Variants in SH2D4B observed in about 807,000 individuals in gnomAD.
SH2D4B encodes the protein SH2 domain containing 4B, also known as SH2 domain-containing protein 4B.
In SH2D4B, 45 loss-of-function variants were observed where a neutral mutation model predicts 61.5. That is an observed-to-expected ratio of 0.73 (90% CI 0.58 to 0.94). SH2D4B has a LOEUF of 0.94. Among genes scored for constraint, SH2D4B ranks in the 40% least tolerant of loss-of-function variants. SH2D4B has a pLI of 0.00. For synonymous variants in SH2D4B, 224 were observed against 220.4 expected (o/e 1.02, Z -0.14); for missense variants, 572 against 574.2 (o/e 1.00, Z 0.04).
At chr10:80,604,941 C>G (rs1374533994) in intron 5 of SH2D4B, among the ~76,000 whole-genome samples, 2 of 152,020 alleles carry the variant, frequency 1.3e-5, no homozygotes, top group East Asian at 1.9e-4. Flanking sequence ...CTATAGGTGC[C>G]CGCCACCACA....
chr10:80,606,546 C>A (rs986990426), intron 5 of SH2D4B, among the ~76,000 whole-genome samples: 4 of 152,112 alleles, frequency 2.6e-5, no homozygotes, highest in Non-Finnish European at 5.9e-5. Flanking sequence ...TAGGTTTTCA[C>A]CATGTTGGCC....
chr10:80,599,931 T>C (rs1842431949), intron 4 of SH2D4B, among the ~76,000 whole-genome samples: 1 of 152,106 alleles, frequency 6.6e-6, no homozygotes, highest in Admixed American at 6.5e-5. Flanking sequence ...ACACATCTCC[T>C]CTGCTCCCAC....
At chr10:80,543,192 C>G (rs1472182918) in intron 1 of SH2D4B, among the ~76,000 whole-genome samples, 1 of 152,196 alleles carries the variant, frequency 6.6e-6, no homozygotes, top group Non-Finnish European at 1.5e-5. Context: ...TTCAGCCCGC[C>G]GTTGCACTGT....
At chr10:80,540,232 A>C (rs1841560421) in intron 1 of SH2D4B, among the ~76,000 whole-genome samples, 1 of 152,184 alleles carries the variant, frequency 6.6e-6, no homozygotes, top group African/African-American at 2.4e-5. Flanking sequence ...TGTGTATCCC[A>C]GGTCAGGATC....
intron 3 of SH2D4B, among the ~76,000 whole-genome samples, chr10:80,584,388 G>T (rs910815237): frequency 9.9e-5 from 15 of 152,104 alleles, no homozygotes; most frequent in Non-Finnish European, 5.9e-5. Context: ...AAAAGCACTT[G>T]GTTAAACACA....
intron 4 of SH2D4B, among the ~76,000 whole-genome samples, chr10:80,599,300 T>G (rs373033495): frequency 0.12 from 17,651 of 152,080 alleles, 1,204 homozygotes; most frequent in East Asian, 0.25. Flanking sequence ...AAGAAGGGCT[T>G]TCTCTATCCC....
chr10:80,638,050 G>T (rs1209988975), intron 7 of SH2D4B, among the ~76,000 whole-genome samples: 1 of 152,128 alleles, frequency 6.6e-6, no homozygotes, highest in East Asian at 1.9e-4. Flanking sequence ...TAATCATGTG[G>T]TTTTTGTCAT....
Position 80,644,233 on chromosome 10 carries a change from C to A in SH2D4B, c.*148C>A. The A allele has an allele frequency of 1.6e-6, 1 of 642,050 alleles. No individual in the cohort carries two copies. The highest frequency in any genetic ancestry group is 2.7e-6 in the Non-Finnish European group (1 of 369,532). 39.8% of individuals were successfully genotyped at this position (642,050 alleles called of 1,614,324 possible). A position where few individuals can be genotyped will look rare whatever the true frequency, so the allele number is the denominator to read the frequency against. ...TAATATGCCTCAAGGGATATGACATCTATGGCATAGGGCTACTGGTCTCAT... is the reference window on the plus strand; with the variant it reads ...TAATATGCCTCAAGGGATATGACATATATGGCATAGGGCTACTGGTCTCAT... On this transcript the variant is annotated 3_prime_UTR_variant, in exon 8 of 8. Coordinates refer to ENST00000646907, the MANE Select transcript of SH2D4B (RefSeq NM_001388272.1).
chr10:80,646,182 A>G lies in SH2D4B; in HGVS notation c.*2097A>G, dbSNP rs1421020419. 1 of 152,644 alleles carries G rather than the reference A, an allele frequency of 6.6e-6. No individual in the cohort carries two copies. The highest frequency in any genetic ancestry group is 2.4e-5 in the African/African-American group (1 of 41,442). The allele number at this position is 152,644 out of a possible 1,614,324, so 9.5% of individuals were successfully genotyped here. A position where few individuals can be genotyped will look rare whatever the true frequency, so the allele number is the denominator to read the frequency against. Reference sequence around the variant, plus strand: ...ACAACCACAATAACAATAACAACTTAGTGCTTAGCCCATGATGTATCAGGG... The same window carrying G: ...ACAACCACAATAACAATAACAACTTGGTGCTTAGCCCATGATGTATCAGGG... On this transcript the variant is annotated 3_prime_UTR_variant, in exon 8 of 8. Transcript: ENST00000646907.
At chr10:80,594,274 C>T (rs61861596) in intron 4 of SH2D4B, among the ~76,000 whole-genome samples, 85 of 152,276 alleles carry the variant, frequency 5.6e-4, no homozygotes, top group Non-Finnish European at 1.1e-3. Context: ...ATTCTATTAA[C>T]GTGGTGCATT....
intron 3 of SH2D4B, among the ~76,000 whole-genome samples, chr10:80,576,203 G>A (rs1014781170): frequency 6.6e-6 from 1 of 152,202 alleles, no homozygotes; most frequent in Non-Finnish European, 1.5e-5. Context: ...GAAATTGTGG[G>A]ATGTTCTATG....
chr10:80,632,778 A>G (rs1842847422), intron 6 of SH2D4B, among the ~76,000 whole-genome samples: 1 of 151,936 alleles, frequency 6.6e-6, no homozygotes, highest in Non-Finnish European at 1.5e-5. Flanking sequence ...GAAGCCCCCA[A>G]GGCCTTCTGG....
At chr10:80,549,050 C>T (rs886583373) in intron 1 of SH2D4B, among the ~76,000 whole-genome samples, 2 of 152,134 alleles carry the variant, frequency 1.3e-5, no homozygotes, top group Non-Finnish European at 2.9e-5. Flanking sequence ...AGGAAGAGCA[C>T]ACAGAGAATT....
At chr10:80,561,786 C>T (rs975165118) in intron 1 of SH2D4B, among the ~76,000 whole-genome samples, 1 of 152,112 alleles carries the variant, frequency 6.6e-6, no homozygotes, top group Non-Finnish European at 1.5e-5. Flanking sequence ...TAAGAAACTA[C>T]AACTTGTTTG....
chr10:80,633,569 G>A lies in SH2D4B; in HGVS notation c.989-716G>A, dbSNP rs142850324. 1.2e-4 allele frequency among the ~76,000 whole-genome samples: 18 copies of A among 152,120 alleles called. No individual in the cohort carries two copies. The East Asian group carries it at 3.1e-3, about 26-fold the overall frequency. Reference sequence around the variant, plus strand: ...GCCTCTGGAACCTGTTCTACATCACGCCTCCTATATCACCCAGATGACAGC... The same window carrying A: ...GCCTCTGGAACCTGTTCTACATCACACCTCCTATATCACCCAGATGACAGC... On this transcript the variant is annotated intron_variant, in intron 6 of 7. Coordinates refer to ENST00000646907, the MANE Select transcript of SH2D4B (RefSeq NM_001388272.1).
chr10:80,560,194 A>T lies in SH2D4B; in HGVS notation c.185-9960A>T, dbSNP rs191886776. ...AGTAGAGACGGGGTTTCACCATGTT[A>T]GCCAGGATGGTCTCGATCTCCTGAC... On this transcript the variant is annotated intron_variant, in intron 1 of 7. Coordinates refer to ENST00000646907, the MANE Select transcript of SH2D4B (RefSeq NM_001388272.1). Among the ~76,000 whole-genome samples the T allele has an allele frequency of 2.2e-3, 333 of 151,742 alleles. 2 individuals are homozygous for T. Among genetic ancestry groups the T allele is most frequent in the African/African-American group, 7.6e-3 (316 of 41,394 alleles).
intron 5 of SH2D4B, among the ~76,000 whole-genome samples, chr10:80,605,123 T>G (rs1166441275): frequency 6.6e-6 from 1 of 152,074 alleles, no homozygotes; most frequent in East Asian, 1.9e-4. Context: ...ATCCACTCAC[T>G]TTGTTTTTGC....
At chr10:80,622,557 T>C (rs928068136) in intron 6 of SH2D4B, among the ~76,000 whole-genome samples, 3 of 152,202 alleles carry the variant, frequency 2.0e-5, no homozygotes, top group Non-Finnish European at 2.9e-5. Flanking sequence ...ATACTTTCTC[T>C]TTCTTTCCTC....
chr10:80,639,883 C>G (rs182941538), intron 7 of SH2D4B, among the ~76,000 whole-genome samples: 1 of 152,254 alleles, frequency 6.6e-6, no homozygotes, highest in African/African-American at 2.4e-5. Flanking sequence ...TTCGTAGCAT[C>G]GATGGTCTTT....
Sources: allele counts gnomAD v4.1 joint callset (sites outside exome capture counted in the v4.1 genomes callset), GRCh38; gene constraint gnomAD v4.1.1; transcripts MANE v1.5; gene names NCBI Gene and HGNC (gene_info 2026-07-23, HGNC 2026-07-21).